ARL5B: variants seen among roughly 807,000 people sequenced by gnomAD.
ARL5B encodes the protein ADP-ribosylation factor-like protein 5B.
ARL5B carries 10 observed loss-of-function variants against 26.9 expected under a neutral mutation model. The observed-to-expected ratio is 0.37, with a 90% CI of 0.23 to 0.63. The LOEUF (loss-of-function observed/expected upper bound fraction) is 0.63. ARL5B is among the 30% of genes least tolerant of loss of function. The pLI is 0.62. For missense variants in ARL5B, 167 were observed against 213.9 expected (o/e 0.78, Z 1.37); for synonymous variants, 87 against 70.4 (o/e 1.24, Z -1.18).
chr10:18,673,123 C>T (rs557403382), intron 4 of ARL5B, among the ~76,000 whole-genome samples: 3 of 151,788 alleles, frequency 2.0e-5, no homozygotes, highest in South Asian at 2.1e-4. Context: ...AGTACCGTGG[C>T]GCGATCTTGG....
intron 1 of ARL5B, among the ~76,000 whole-genome samples, chr10:18,665,391 A>G (rs1018452047): frequency 6.6e-6 from 1 of 152,200 alleles, no homozygotes; most frequent in Non-Finnish European, 1.5e-5. Context: ...GTTTTGTTTT[A>G]CAAAGCAGCT....
chr10:18,671,705 C>G (rs2059888342), intron 3 of ARL5B, among the ~76,000 whole-genome samples: 1 of 148,846 alleles, frequency 6.7e-6, no homozygotes, highest in Non-Finnish European at 1.5e-5. Flanking sequence ...GGGCCTCTCT[C>G]TCACCCAGGC....
chr10:18,673,495 C>G (rs930184000), intron 4 of ARL5B, among the ~76,000 whole-genome samples: 1 of 152,082 alleles, frequency 6.6e-6, no homozygotes, highest in African/African-American at 2.4e-5. Flanking sequence ...TTCGTTCATT[C>G]CTTTTAACAA....
chr10:18,671,837 A>T (rs2059889139), intron 3 of ARL5B, among the ~76,000 whole-genome samples: 1 of 152,098 alleles, frequency 6.6e-6, no homozygotes. Context: ...TTTTGTAGAG[A>T]GACAGGTTCT....
rs1192755743 is a variant in ARL5B at position 18,675,278 on chromosome 10, C to T, written c.*62C>T. The T allele has an allele frequency of 1.3e-6, 2 of 1,503,416 alleles. No individual in the cohort carries two copies. The highest frequency in any genetic ancestry group is 2.8e-5 in the African/African-American group (2 of 72,570). 93.1% of individuals were successfully genotyped at this position (1,503,416 alleles called of 1,614,324 possible). On this transcript the variant is annotated 3_prime_UTR_variant, in exon 6 of 6. Coordinates refer to ENST00000377275, the MANE Select transcript of ARL5B (RefSeq NM_178815.5). Reference sequence around the variant, plus strand: ...TGACATGAACATTTTTTCCTAGTACCTTTGGCTGCTAAGGCAGCAGCATGT... The same window carrying T: ...TGACATGAACATTTTTTCCTAGTACTTTTGGCTGCTAAGGCAGCAGCATGT...
chr10:18,675,138 T>A (rs1294517087), intron 5 of ARL5B, 30 bp from the exon 6 acceptor site: 1 of 1,603,620 alleles, frequency 6.2e-7, no homozygotes, highest in African/African-American at 1.3e-5. Flanking sequence ...ATAAGGTTTT[T>A]AATTAAAAAT....
intron 5 of ARL5B, 136 bp from the exon 6 acceptor site, chr10:18,675,032 G>T: frequency 1.5e-6 from 1 of 645,980 alleles, no homozygotes; most frequent in Non-Finnish European, 2.6e-6. Context: ...ATTATAGTGT[G>T]ACTTGAATGT....
At position 18,664,197 on chromosome 10, in the gene ARL5B, C is replaced by T. The variant is rs565977898; in HGVS notation, c.47-2378C>T. Reference sequence around the variant, plus strand: ...TTGAACTCCTGACCTTGTGGTCTGCCCACCTCAGCCTACTGAAGTGCTGGG... The same window carrying T: ...TTGAACTCCTGACCTTGTGGTCTGCTCACCTCAGCCTACTGAAGTGCTGGG... On this transcript the variant is annotated intron_variant, in intron 1 of 5. Transcript: ENST00000377275. Among the ~76,000 whole-genome samples the T allele has an allele frequency of 2.6e-5, 4 of 152,018 alleles. No homozygotes were observed. The East Asian group carries it at 7.8e-4, about 30-fold the overall frequency.
rs771426980 is a variant in ARL5B, at chr10:18,659,595, C to T, written c.-43C>T. On this transcript the variant is annotated 5_prime_UTR_variant, in exon 1 of 6. Transcript: ENST00000377275. The stretch of plus-strand genomic sequence containing the variant: ...CGCGGTGGGGGACCCGGCGCAGCGG[C>T]ACCTGCTGCCGAGGGACCCCGCGGC... 1 of 1,589,946 alleles carries T rather than the reference C, an allele frequency of 6.3e-7. No homozygotes were observed. Among genetic ancestry groups the T allele is most frequent in the East Asian group, 2.3e-5 (1 of 43,172 alleles).
Position 18,675,374 on chromosome 10 carries a change from A to T in ARL5B, c.*158A>T. The T allele has an allele frequency of 3.2e-6, 2 of 633,190 alleles. No individual in the cohort carries two copies. The highest frequency in any genetic ancestry group is 5.3e-6 in the Non-Finnish European group (2 of 374,870). 39.2% of individuals were successfully genotyped at this position (633,190 alleles called of 1,614,324 possible). A position where few individuals can be genotyped will look rare whatever the true frequency, so the allele number is the denominator to read the frequency against. ...GTGCAGCTGAACTGGAACATAAAAG[A>T]TTTTTTCTTAACTTTTTTTTTTTAA... is the stretch of plus-strand genomic sequence containing the variant. On this transcript the variant is annotated 3_prime_UTR_variant, in exon 6 of 6. Transcript: ENST00000377275.
chr10:18,664,586 C>T (rs1017352268), intron 1 of ARL5B, among the ~76,000 whole-genome samples: 37 of 150,624 alleles, frequency 2.5e-4, no homozygotes, highest in Admixed American at 1.5e-3. Context: ...TACAGGCACC[C>T]GCCACCATGC....
In ARL5B at chr10:18,680,429, A is replaced by G. The variant is rs555842451; in HGVS notation, c.*5213A>G. On this transcript the variant is annotated 3_prime_UTR_variant, in exon 6 of 6. Transcript: ENST00000377275. ...TAGATAAGGGAAAGGAGAAATCCTA[A>G]ATTTGATGGATTCTTTTATACTGTG... 6.6e-6 allele frequency: 1 copy of G among 152,188 alleles called. No homozygotes were observed. The highest frequency in any genetic ancestry group is 2.4e-5 in the African/African-American group (1 of 41,540). 9.4% of individuals were successfully genotyped at this position (152,188 alleles called of 1,614,324 possible). A position where few individuals can be genotyped will look rare whatever the true frequency, so the allele number is the denominator to read the frequency against.
rs2059910428 is a variant in ARL5B, at chr10:18,676,412, A to C, written c.*1196A>C. On this transcript the variant is annotated 3_prime_UTR_variant, in exon 6 of 6. Transcript: ENST00000377275. ...GAGACTCAAAGTTAATATTCTTAAC[A>C]ACTTAAAATTAAAAAAAGTCATAAT... is the stretch of plus-strand genomic sequence containing the variant. 6.6e-6 allele frequency: 1 copy of C among 152,014 alleles called. No homozygotes were observed. Among genetic ancestry groups the C allele is most frequent in the African/African-American group, 2.4e-5 (1 of 41,432 alleles). The allele number at this position is 152,014 out of a possible 1,614,324, so 9.4% of individuals were successfully genotyped here. A position where few individuals can be genotyped will look rare whatever the true frequency, so the allele number is the denominator to read the frequency against.
intron 1 of ARL5B, among the ~76,000 whole-genome samples, 187 bp from the exon 2 acceptor site, chr10:18,666,388 A>C (rs769124710): frequency 2.6e-5 from 4 of 152,262 alleles, no homozygotes; most frequent in Non-Finnish European, 5.9e-5. Flanking sequence ...AGAATCAATG[A>C]TAATTGATTT....
intron 1 of ARL5B, among the ~76,000 whole-genome samples, chr10:18,661,954 T>A (rs1369113489): frequency 6.6e-6 from 1 of 152,186 alleles, no homozygotes; most frequent in Non-Finnish European, 1.5e-5. Flanking sequence ...GAGAACCTTA[T>A]CACAGAGGGC....
rs1311925080 is a variant in ARL5B, at chr10:18,677,971, G to A, written c.*2755G>A. On this transcript the variant is annotated 3_prime_UTR_variant, in exon 6 of 6. Transcript: ENST00000377275. ...ATCTTTTAAGTATGTTATAACCAAAGTGTTCAATTATCCTTGCAAGTTCAA... is the reference window on the plus strand; with the variant it reads ...ATCTTTTAAGTATGTTATAACCAAAATGTTCAATTATCCTTGCAAGTTCAA... 2.0e-5 allele frequency: 3 copies of A among 151,862 alleles called. No individual in the cohort carries two copies. The highest frequency in any genetic ancestry group is 6.8e-3 in the Middle Eastern group (2 of 294). 9.4% of individuals were successfully genotyped at this position (151,862 alleles called of 1,614,324 possible).
chr10:18,674,637 G>GT (rs2059902813), intron 5 of ARL5B, among the ~76,000 whole-genome samples: 1 of 152,046 alleles, frequency 6.6e-6, no homozygotes, highest in Non-Finnish European at 1.5e-5. Context: ...TTTGAATGTG[G>GT]GTATTAGGCC....
chr10:18,671,190 T>A (rs2059885478), intron 3 of ARL5B, among the ~76,000 whole-genome samples: 1 of 152,162 alleles, frequency 6.6e-6, no homozygotes, highest in Admixed American at 6.5e-5. Context: ...TATTTTTGTT[T>A]TTTATTTATT....
In ARL5B at chr10:18,679,511, T is replaced by G. The variant is rs2059923927; in HGVS notation, c.*4295T>G. ...GCGTCTCCTCCTTATTCATTCACTT[T>G]TACTGTGAAGACTGAAATCCAAAAG... On this transcript the variant is annotated 3_prime_UTR_variant, in exon 6 of 6. Coordinates refer to ENST00000377275, the MANE Select transcript of ARL5B (RefSeq NM_178815.5). 1.3e-5 allele frequency: 2 copies of G among 151,872 alleles called. No individual in the cohort carries two copies. The highest frequency in any genetic ancestry group is 1.5e-5 in the Non-Finnish European group (1 of 67,812). The allele number at this position is 151,872 out of a possible 1,614,324, so 9.4% of individuals were successfully genotyped here.
Sources: gnomAD v4.1 joint callset for allele counts (sites outside exome capture counted in the v4.1 genomes callset) on GRCh38, gnomAD v4.1.1 for gene constraint, MANE v1.5 for transcripts, NCBI Gene and HGNC (gene_info 2026-07-23, HGNC 2026-07-21) for gene names.